Variants in MAD1L1 observed in about 807,000 individuals in gnomAD.
The protein encoded by MAD1L1 is mitotic spindle assembly checkpoint protein MAD1.
Under a neutral mutation model 96.9 loss-of-function variants are expected in MAD1L1, and 95 were observed. The ratio of observed to expected loss-of-function variants is 0.98; its 90% CI spans 0.83 to 1.16. MAD1L1 has a LOEUF of 1.16. Among genes scored for constraint, MAD1L1 ranks in the 50% most tolerant of loss-of-function variants. The pLI, the probability that MAD1L1 is intolerant of heterozygous loss-of-function variation, is 0.00. For synonymous variants in MAD1L1, 473 were observed against 396.6 expected, an observed-to-expected ratio of 1.19 and a Z score of -2.29; for missense variants, 1,007 against 954.4, an observed-to-expected ratio of 1.06 and a Z score of -0.73.
chr7:1,915,284 G>A (rs535282091), intron 17 of MAD1L1, among the ~76,000 whole-genome samples: 4 of 152,206 alleles, frequency 2.6e-5, no homozygotes, highest in Non-Finnish European at 5.9e-5. Context: ...GAGCGGAAGT[G>A]CTACAGAGAA....
At chr7:2,066,503 C>A (rs898463674) in intron 12 of MAD1L1, among the ~76,000 whole-genome samples, 1 of 152,244 alleles carries the variant, frequency 6.6e-6, no homozygotes, top group South Asian at 2.1e-4. Flanking sequence ...CTTGCTAACA[C>A]AGAGCAGGCC....
At chr7:2,098,660 C>T (rs1234457836) in intron 11 of MAD1L1, among the ~76,000 whole-genome samples, 3 of 152,174 alleles carry the variant, frequency 2.0e-5, no homozygotes, top group African/African-American at 2.4e-5. Context: ...ACGGAGGACA[C>T]GGCACATGCA....
intron 12 of MAD1L1, among the ~76,000 whole-genome samples, chr7:2,025,375 A>G (rs762621136): frequency 4.6e-4 from 70 of 152,252 alleles, no homozygotes; most frequent in Non-Finnish European, 7.6e-4. Flanking sequence ...GTCAAAAGAC[A>G]GTGGAATGAT....
intron 13 of MAD1L1, among the ~76,000 whole-genome samples, chr7:2,004,229 G>A (rs1252613531): frequency 6.6e-6 from 1 of 152,194 alleles, no homozygotes; most frequent in Non-Finnish European, 1.5e-5. Context: ...CCTGGGCAGT[G>A]AGACGCACCC....
intron 10 of MAD1L1, among the ~76,000 whole-genome samples, chr7:2,187,848 C>T (rs1791533267): frequency 6.6e-6 from 1 of 152,200 alleles, no homozygotes; most frequent in South Asian, 2.1e-4. Context: ...ATCTGGTAGA[C>T]ATTTTCTCAA....
At chr7:2,170,951 G>A (rs1400614707) in intron 10 of MAD1L1, among the ~76,000 whole-genome samples, 1 of 152,162 alleles carries the variant, frequency 6.6e-6, no homozygotes, top group Non-Finnish European at 1.5e-5. Context: ...CACATGGGGG[G>A]TTGGCGGTTA....
chr7:1,887,465 G>A (rs537495392), intron 18 of MAD1L1, among the ~76,000 whole-genome samples: 1 of 151,898 alleles, frequency 6.6e-6, no homozygotes, highest in South Asian at 2.1e-4. Flanking sequence ...GTGCACATGT[G>A]CATGCATGTG....
chr7:1,958,085 C>T (rs1265156104), intron 15 of MAD1L1, among the ~76,000 whole-genome samples: 2 of 152,138 alleles, frequency 1.3e-5, no homozygotes, highest in Non-Finnish European at 2.9e-5. Context: ...TGGCGGAGTG[C>T]AGGGGACACT....
chr7:1,819,113 C>T (rs936013566), intron 18 of MAD1L1, among the ~76,000 whole-genome samples: 14 of 152,182 alleles, frequency 9.2e-5, no homozygotes, highest in Non-Finnish European at 1.6e-4. Context: ...TCTCTGCCAT[C>T]GCTGCTCAGC....
At chr7:1,958,908 A>G (rs1779839574) in intron 15 of MAD1L1, among the ~76,000 whole-genome samples, 2 of 152,228 alleles carry the variant, frequency 1.3e-5, no homozygotes, top group South Asian at 4.1e-4. Context: ...TAGAATCCGT[A>G]AGAGAAAAGT....
chr7:1,901,748 G>T (rs899681747), intron 17 of MAD1L1, among the ~76,000 whole-genome samples: 1 of 152,184 alleles, frequency 6.6e-6, no homozygotes, highest in African/African-American at 2.4e-5. Context: ...ACCGTAGGGA[G>T]GCCTTGAGCC....
chr7:1,906,604 T>C (rs1736446405), intron 17 of MAD1L1, among the ~76,000 whole-genome samples: 1 of 152,236 alleles, frequency 6.6e-6, no homozygotes, highest in Non-Finnish European at 1.5e-5. Flanking sequence ...TGCCTGGGCC[T>C]CACGCTCTTT....
Position 2,194,948 on chromosome 7 carries a change from C to T in MAD1L1, c.986+18264G>A, listed in dbSNP as rs573619382. 1.5e-4 allele frequency among the ~76,000 whole-genome samples: 23 copies of T among 152,164 alleles called. 1 individual carries two copies. The highest frequency in any genetic ancestry group is 5.3e-4 in the African/African-American group (22 of 41,524). ...TACAATAATACAAAAATTAGCCAGG[C>T]GTGCTGATGCGCACCTGTAGTCCCA... On this transcript the variant is annotated intron_variant, in intron 10 of 18. Coordinates refer to ENST00000265854, the MANE Select transcript of MAD1L1 (RefSeq NM_001013836.2).
intron 14 of MAD1L1, among the ~76,000 whole-genome samples, chr7:1,988,017 C>G (rs1252454344): frequency 6.6e-6 from 1 of 152,176 alleles, no homozygotes; most frequent in Non-Finnish European, 1.5e-5. Flanking sequence ...CACCGAGGAC[C>G]TGTAGAACAC....
intron 17 of MAD1L1, among the ~76,000 whole-genome samples, chr7:1,936,144 G>A (rs540857019): frequency 1.1e-4 from 17 of 152,354 alleles, no homozygotes; most frequent in Middle Eastern, 3.4e-3. Context: ...GAGGCTTGGC[G>A]TGGGCAGACC....
intron 12 of MAD1L1, among the ~76,000 whole-genome samples, chr7:2,068,605 C>G (rs766233047): frequency 2.0e-5 from 3 of 152,094 alleles, no homozygotes; most frequent in Non-Finnish European, 4.4e-5. Flanking sequence ...GACAGATTGA[C>G]TTCTTTCCCG....
chr7:2,111,148 G>A (rs1787357846), intron 11 of MAD1L1, among the ~76,000 whole-genome samples: 1 of 152,218 alleles, frequency 6.6e-6, no homozygotes. Flanking sequence ...GAAACAGGGA[G>A]AGAGGAGGAG....
chr7:2,209,201 C>T (rs3800932), intron 10 of MAD1L1, among the ~76,000 whole-genome samples: 3,083 of 152,272 alleles, frequency 0.02, 49 homozygotes, highest in East Asian at 0.039. Flanking sequence ...TTTCACTGAC[C>T]CACCCCAGCC....
intron 11 of MAD1L1, among the ~76,000 whole-genome samples, chr7:2,077,300 A>G (rs543501645): frequency 1.3e-5 from 2 of 152,336 alleles, no homozygotes; most frequent in South Asian, 2.1e-4. Flanking sequence ...ATTCTTAGCT[A>G]TCTGAGGAAC....
Sources: gnomAD v4.1 joint callset for allele counts (sites outside exome capture counted in the v4.1 genomes callset) on GRCh38, gnomAD v4.1.1 for gene constraint, MANE v1.5 for transcripts, NCBI Gene and HGNC (gene_info 2026-07-23, HGNC 2026-07-21) for gene names.